The following UBE4B variants were observed in gnomAD, a reference collection of about 807,000 sequenced individuals.
UBE4B encodes the protein ubiquitin conjugation factor E4 B.
In UBE4B, 27 loss-of-function variants were observed where a neutral mutation model predicts 148.1. The ratio of observed to expected loss-of-function variants is 0.18; its 90% CI spans 0.13 to 0.25. The LOEUF (loss-of-function observed/expected upper bound fraction) is 0.25, where lower values mean the gene tolerates loss of function less well. UBE4B is among the 10% of genes least tolerant of loss of function. UBE4B has a pLI of 1.00. For synonymous variants in UBE4B, 596 were observed against 619.3 expected (o/e 0.96, Z 0.56); for missense variants, 1,170 against 1,662.4 (o/e 0.70, Z 5.15).
chr1:10,064,782 T>A (rs1020096359), intron 1 of UBE4B, among the ~76,000 whole-genome samples: 2 of 151,798 alleles, frequency 1.3e-5, no homozygotes, highest in East Asian at 3.9e-4. Flanking sequence ...TTTTTTTTTT[T>A]AGATAGAGTC....
chr1:10,079,652 G>A (rs1465064515), intron 2 of UBE4B, among the ~76,000 whole-genome samples: 1 of 152,130 alleles, frequency 6.6e-6, no homozygotes, highest in Non-Finnish European at 1.5e-5. Context: ...TGGACCACAG[G>A]TAAAGATCCT....
intron 2 of UBE4B, among the ~76,000 whole-genome samples, chr1:10,077,415 G>C (rs1447002599): frequency 1.3e-5 from 2 of 152,126 alleles, no homozygotes; most frequent in East Asian, 3.8e-4. Flanking sequence ...ACTTGCTTAC[G>C]TCTGCTAAGA....
chr1:10,076,903 C>G (rs944793734), intron 2 of UBE4B, among the ~76,000 whole-genome samples: 1 of 151,590 alleles, frequency 6.6e-6, no homozygotes, highest in Non-Finnish European at 1.5e-5. Flanking sequence ...CCTGCCACCA[C>G]GCCTGGCTAA....
At chr1:10,053,128 C>T (rs188791705) in intron 1 of UBE4B, among the ~76,000 whole-genome samples, 18 of 152,056 alleles carry the variant, frequency 1.2e-4, no homozygotes, top group African/African-American at 3.9e-4. Flanking sequence ...TGTTTACAAC[C>T]GTGCATGGCT....
intron 1 of UBE4B, among the ~76,000 whole-genome samples, chr1:10,042,060 G>A (rs1570764666): frequency 6.6e-6 from 1 of 152,106 alleles, no homozygotes; most frequent in African/African-American, 2.4e-5. Flanking sequence ...TCAGCCCCTC[G>A]AGTATCTGGG....
chr1:10,129,369 A>T, intron 11 of UBE4B, 23 bp from the exon 12 acceptor site: 2 of 1,601,740 alleles, frequency 1.2e-6, no homozygotes. Flanking sequence ...AATGCATTTA[A>T]ATGACTCTGA....
intron 2 of UBE4B, among the ~76,000 whole-genome samples, chr1:10,085,958 TTTTTTTA>T (rs910348595): frequency 1.3e-5 from 2 of 151,718 alleles, no homozygotes; most frequent in Non-Finnish European, 2.9e-5. Context: ...CCCAGCTAAT[TTTTTTTA>T]TTTTTTATTT....
intron 10 of UBE4B, among the ~76,000 whole-genome samples, chr1:10,123,308 G>T (rs1438056371): frequency 1.3e-5 from 2 of 151,462 alleles, no homozygotes; most frequent in Non-Finnish European, 2.9e-5. Context: ...ACGGGTGTCT[G>T]TAATCCCAGC....
At chr1:10,144,744 AAAAAAG>A (rs541718600) in intron 17 of UBE4B, among the ~76,000 whole-genome samples, 190 bp from the exon 18 acceptor site, 2,522 of 151,562 alleles carry the variant, frequency 0.017, 32 homozygotes, top group Non-Finnish European at 0.026. Flanking sequence ...AAAAAAAAAA[AAAAAAG>A]AAAGAAAGAA....
intron 3 of UBE4B, among the ~76,000 whole-genome samples, chr1:10,098,769 C>G (rs1644965962): frequency 6.6e-6 from 1 of 152,106 alleles, no homozygotes. Flanking sequence ...ATATAAAGGG[C>G]ATCTACCAAA....
chr1:10,066,712 C>A (rs533225454), intron 1 of UBE4B, among the ~76,000 whole-genome samples: 2 of 152,104 alleles, frequency 1.3e-5, no homozygotes, highest in East Asian at 1.9e-4. Flanking sequence ...TTGAGACCAG[C>A]CTGACCAACA....
intron 2 of UBE4B, among the ~76,000 whole-genome samples, chr1:10,075,821 G>T (rs1644567086): frequency 6.6e-6 from 1 of 152,172 alleles, no homozygotes; most frequent in Non-Finnish European, 1.5e-5. Context: ...GGAAGCCAAG[G>T]TGGGAGGATC....
chr1:10,101,248 T>C (rs1214587876), intron 4 of UBE4B, 53 bp downstream of exon 4: 1 of 1,566,786 alleles, frequency 6.4e-7, no homozygotes, highest in Non-Finnish European at 8.8e-7. Flanking sequence ...ACACATTTCA[T>C]GTCTTGTATC....
At chr1:10,160,325 T>C (rs1311376241) in intron 22 of UBE4B, among the ~76,000 whole-genome samples, 2 of 152,354 alleles carry the variant, frequency 1.3e-5, no homozygotes, top group East Asian at 3.9e-4. Context: ...TCTTATCTGT[T>C]GTATGTGGTT....
intron 17 of UBE4B, among the ~76,000 whole-genome samples, chr1:10,138,853 A>T (rs1645739067): frequency 6.6e-6 from 1 of 152,182 alleles, no homozygotes; most frequent in Non-Finnish European, 1.5e-5. Context: ...TGAGGAGACT[A>T]GACTTTTTTC....
At chr1:10,132,137 A>C (rs961487121) in intron 14 of UBE4B, among the ~76,000 whole-genome samples, 3 of 152,080 alleles carry the variant, frequency 2.0e-5, no homozygotes, top group Non-Finnish European at 4.4e-5. Flanking sequence ...TCAAAAAAAA[A>C]CAAAAAACTG....
chr1:10,121,923 T>C (rs1242816910), intron 9 of UBE4B, 39 bp from the exon 10 acceptor site: 2 of 1,436,566 alleles, frequency 1.4e-6, no homozygotes, highest in Non-Finnish European at 9.7e-7. Context: ...CTGTAGTGAG[T>C]TGACTTCATC....
intron 5 of UBE4B, among the ~76,000 whole-genome samples, chr1:10,103,616 T>C (rs1645052967): frequency 6.7e-6 from 1 of 148,836 alleles, no homozygotes. Flanking sequence ...TAGTTTTTTT[T>C]GTTTGTTTTG....
intron 17 of UBE4B, among the ~76,000 whole-genome samples, chr1:10,144,453 T>C (rs1212418415): frequency 6.6e-6 from 1 of 152,060 alleles, no homozygotes; most frequent in African/African-American, 2.4e-5. Flanking sequence ...AAGAAAAATA[T>C]GGCCCGACGC....
Sources: gnomAD v4.1 joint callset for allele counts (sites outside exome capture counted in the v4.1 genomes callset) on GRCh38, gnomAD v4.1.1 for gene constraint, MANE v1.5 for transcripts, NCBI Gene and HGNC (gene_info 2026-07-23, HGNC 2026-07-21) for gene names.